Variants in EPM2A observed in about 807,000 individuals in gnomAD.
The protein encoded by EPM2A is EPM2A glucan phosphatase, laforin.
A neutral mutation model predicts 26.5 loss-of-function variants in EPM2A; 21 were observed. The ratio of observed to expected loss-of-function variants is 0.79; its 90% CI spans 0.56 to 1.14. The LOEUF (loss-of-function observed/expected upper bound fraction) is 1.14, where lower values mean the gene tolerates loss of function less well. Ranked by LOEUF, EPM2A falls within the 50% of genes most tolerant of loss-of-function variation. The pLI, the probability that EPM2A is intolerant of heterozygous loss-of-function variation, is 0.00. For synonymous variants in EPM2A, 217 were observed against 177.6 expected, an observed-to-expected ratio of 1.22 and a Z score of -1.76; for missense variants, 458 against 440.8, an observed-to-expected ratio of 1.04 and a Z score of -0.35.
intron 4 of EPM2A, among the ~76,000 whole-genome samples, chr6:145,456,942 A>G (rs975629668): frequency 5.3e-5 from 8 of 152,182 alleles, no homozygotes; most frequent in African/African-American, 1.9e-4. Context: ...GAAAAGTAAG[A>G]CAACGGTATA....
chr6:145,591,290 G>A (rs1562394758), intron 2 of EPM2A, among the ~76,000 whole-genome samples: 1 of 152,124 alleles, frequency 6.6e-6, no homozygotes, highest in Non-Finnish European at 1.5e-5. Context: ...ACTATTGGAA[G>A]TTACAATGGT....
At chr6:145,690,268 T>A (rs1457186900) in intron 1 of EPM2A, among the ~76,000 whole-genome samples, 1 of 151,996 alleles carries the variant, frequency 6.6e-6, no homozygotes, top group Non-Finnish European at 1.5e-5. Flanking sequence ...CCCAGCACTT[T>A]GGGAGGCCGA....
In EPM2A at chr6:145,561,650, T is replaced by A. The variant is rs6936688; in HGVS notation, c.341-59075A>T. On this transcript the variant is annotated intron_variant, in intron 2 of 3. Coordinates refer to the EPM2A transcript ENST00000450221. ...TTTTTCTCCCATTCTGTGACACGTA[T>A]CTTCTCTTGTCTGTGTAACTGTTGC... is the stretch of plus-strand genomic sequence containing the variant. Among the ~76,000 whole-genome samples the A allele has an allele frequency of 7.7e-3, 1,172 of 152,248 alleles. 16 individuals carry two copies. The highest frequency in any genetic ancestry group is 0.027 in the African/African-American group (1,116 of 41,562).
chr6:145,710,257 A>C (rs953694178), intron 1 of EPM2A, among the ~76,000 whole-genome samples: 6 of 152,208 alleles, frequency 3.9e-5, no homozygotes, highest in Admixed American at 3.9e-4. Flanking sequence ...CAAAGAACTC[A>C]AATAAATTTA....
In EPM2A at chr6:145,627,403, G is replaced by C. The variant is rs766133063; in HGVS notation, c.*13C>G. ...TTAGGGAAATCAGGAGGGGGCAGAA[G>C]CAGGCTGACCAGCTACAGGCTACAC... On this transcript the variant is annotated 3_prime_UTR_variant, in exon 4 of 4. Transcript: ENST00000367519. 6.2e-7 allele frequency: 1 copy of C among 1,613,992 alleles called. No individual in the cohort carries two copies. The highest frequency in any genetic ancestry group is 2.2e-5 in the East Asian group (1 of 44,884).
At chr6:145,714,404 G>A (rs934040367) in intron 1 of EPM2A, among the ~76,000 whole-genome samples, 4 of 152,198 alleles carry the variant, frequency 2.6e-5, no homozygotes, top group Non-Finnish European at 5.9e-5. Flanking sequence ...CTATAGCGAA[G>A]TGATATAAAT....
At chr6:145,730,048 A>G (rs571809532) in intron 1 of EPM2A, among the ~76,000 whole-genome samples, 5 of 152,242 alleles carry the variant, frequency 3.3e-5, no homozygotes, top group African/African-American at 9.6e-5. Context: ...TGCTCCAGCC[A>G]TGCAGATCGT....
intron 1 of EPM2A, among the ~76,000 whole-genome samples, chr6:145,700,834 A>G (rs1047856191): frequency 6.6e-6 from 1 of 152,224 alleles, no homozygotes; most frequent in African/African-American, 2.4e-5. Context: ...CAGAATGTGG[A>G]CTAAATAATT....
chr6:145,548,264 A>C (rs1046436861), intron 2 of EPM2A, among the ~76,000 whole-genome samples: 1 of 152,144 alleles, frequency 6.6e-6, no homozygotes, highest in Non-Finnish European at 1.5e-5. Context: ...GCTTCCAATC[A>C]AGAATTCAGT....
chr6:145,541,242 AACAT>A (rs907838282), intron 2 of EPM2A, among the ~76,000 whole-genome samples: 9 of 150,902 alleles, frequency 6.0e-5, no homozygotes, highest in Admixed American at 2.0e-4. Context: ...ATAATTATAT[AACAT>A]ACATACATAT....
downstream of EPM2A, among the ~76,000 whole-genome samples, chr6:145,622,498 G>C (rs762539037): frequency 6.6e-6 from 1 of 152,160 alleles, no homozygotes; most frequent in Non-Finnish European, 1.5e-5. Flanking sequence ...GGTGATCACA[G>C]ATATAATTAG....
chr6:145,476,258 C>A (rs907905101), intron 4 of EPM2A, among the ~76,000 whole-genome samples: 8 of 152,052 alleles, frequency 5.3e-5, no homozygotes, highest in African/African-American at 1.9e-4. Context: ...ATGCACCCAA[C>A]ATGGGAGCAC....
intron 2 of EPM2A, among the ~76,000 whole-genome samples, chr6:145,650,147 TAGGAAAAC>T (rs1223605561): frequency 6.6e-6 from 1 of 152,046 alleles, no homozygotes; most frequent in Admixed American, 6.6e-5. Flanking sequence ...GGAAAGCAAT[TAGGAAAAC>T]AGAAGGCAAC....
chr6:145,667,461 T>C (rs1404759313), intron 2 of EPM2A, among the ~76,000 whole-genome samples: 1 of 148,186 alleles, frequency 6.7e-6, no homozygotes, highest in East Asian at 2.0e-4. Context: ...AAAACCACAA[T>C]GAGATATTAT....
chr6:145,540,205 G>T (rs1461639963), intron 2 of EPM2A, among the ~76,000 whole-genome samples: 1 of 152,102 alleles, frequency 6.6e-6, no homozygotes, highest in African/African-American at 2.4e-5. Flanking sequence ...CTCCTGATCT[G>T]TTGCCCTTGC....
intron 4 of EPM2A, among the ~76,000 whole-genome samples, chr6:145,435,089 T>C (rs535712147): frequency 1.2e-4 from 18 of 152,218 alleles, no homozygotes; most frequent in Non-Finnish European, 2.4e-4. Context: ...ACTGGCCCCA[T>C]GCTTGTACAG....
intron 4 of EPM2A, among the ~76,000 whole-genome samples, chr6:145,391,649 T>C (rs1415515370): frequency 2.0e-5 from 3 of 152,174 alleles, no homozygotes; most frequent in African/African-American, 7.2e-5. Flanking sequence ...CAGTGTCAGC[T>C]GGAAGTTCCC....
At chr6:145,666,267 T>C (rs112955478) in intron 2 of EPM2A, among the ~76,000 whole-genome samples, 10 of 98,212 alleles carry the variant, frequency 1.0e-4, no homozygotes, top group African/African-American at 3.2e-4. Flanking sequence ...GAAAACCCCA[T>C]TGTCTCAGCC....
chr6:145,478,904 T>G (rs1779578125), intron 4 of EPM2A, among the ~76,000 whole-genome samples: 1 of 151,770 alleles, frequency 6.6e-6, no homozygotes, highest in South Asian at 2.1e-4. Flanking sequence ...TTTGGCTTGA[T>G]TTGTGGTCAG....
Sources: gnomAD v4.1 joint callset for allele counts (sites outside exome capture counted in the v4.1 genomes callset) on GRCh38, gnomAD v4.1.1 for gene constraint, MANE v1.5 for transcripts, NCBI Gene and HGNC (gene_info 2026-07-23, HGNC 2026-07-21) for gene names.